Variants in CLIP2 observed in about 807,000 individuals in gnomAD.
The protein encoded by CLIP2 is CAP-Gly domain containing linker protein 2, also known as CAP-Gly domain-containing linker protein 2.
CLIP2 carries 41 observed loss-of-function variants against 111.7 expected under a neutral mutation model. The observed-to-expected ratio is 0.37, with a 90% CI of 0.29 to 0.48. CLIP2 has a LOEUF of 0.48. Among genes scored for constraint, CLIP2 ranks in the 20% least tolerant of loss-of-function variants. The pLI, the probability that CLIP2 is intolerant of heterozygous loss-of-function variation, is 0.99. For missense variants in CLIP2, 1,160 were observed against 1,422.1 expected (o/e 0.82, Z 2.96); for synonymous variants, 660 against 644.2 (o/e 1.02, Z -0.37).
intron 14 of CLIP2, 137 bp from the exon 15 acceptor site, chr7:74,400,233 G>T: frequency 1.5e-6 from 1 of 678,014 alleles, no homozygotes. Flanking sequence ...ACAGAGGCCT[G>T]AGGGACCTCT....
intron 10 of CLIP2, among the ~76,000 whole-genome samples, chr7:74,378,465 T>C (rs1391969144): frequency 6.6e-6 from 1 of 151,870 alleles, no homozygotes; most frequent in African/African-American, 2.4e-5. Flanking sequence ...TAGGGGTGGG[T>C]GTGGTGGCTC....
chr7:74,390,164 AGAAAGAAAGAAAGAAAG>A (rs1437561363), intron 13 of CLIP2, among the ~76,000 whole-genome samples: 43 of 106,682 alleles, frequency 4.0e-4, no homozygotes, highest in African/African-American at 1.5e-3. Flanking sequence ...GAAAGAAAGA[AGAAAGAAAGAAAGAAAG>A]AAAGAAAGAA....
chr7:74,384,441 A>ATTTTT (rs533449196), intron 11 of CLIP2, among the ~76,000 whole-genome samples: 5 of 98,474 alleles, frequency 5.1e-5, no homozygotes, highest in African/African-American at 8.7e-5. Flanking sequence ...AGGTCATATG[A>ATTTTT]TTTTTTTTTT....
chr7:74,376,036 A>G lies in CLIP2; in HGVS notation c.1635A>G (p.Leu545=), dbSNP rs964322131. The change falls in exon 10 of 17, where the codon CTA becomes CTG. Residue 545 remains leucine (L), a synonymous_variant. Coordinates refer to ENST00000223398, the MANE Select transcript of CLIP2 (RefSeq NM_003388.5). The surrounding 1 kb of genome is among the most constrained non-coding windows in gnomAD (Gnocchi z 7.1). ...DHPDAAEILR[L]RERLLSASKE... is the part of the protein sequence containing the mutation. ...CAGACGCCGCCGAGATCCTGCGGCT[A>G]CGGGAGCGGCTGCTCTCGGCCAGCA... The G allele has an allele frequency of 4.3e-6, 7 of 1,612,780 alleles. No homozygotes were observed. The African/African-American group carries it at 6.7e-5, about 15-fold the overall frequency.
At chr7:74,372,530 G>T (rs1790658041) in intron 8 of CLIP2, among the ~76,000 whole-genome samples, 1 of 151,954 alleles carries the variant, frequency 6.6e-6, no homozygotes, top group East Asian at 2.0e-4. Flanking sequence ...AACAGGATGG[G>T]CCCCTCCCCA....
chr7:74,323,816 GT>G (rs1789034956), intron 2 of CLIP2, among the ~76,000 whole-genome samples: 1 of 152,140 alleles, frequency 6.6e-6, no homozygotes, highest in Admixed American at 6.6e-5. Flanking sequence ...TGCTAAATAG[GT>G]TTGTAGCCTA....
intron 2 of CLIP2, among the ~76,000 whole-genome samples, chr7:74,327,134 G>A (rs782752254): frequency 4.0e-5 from 6 of 151,692 alleles, no homozygotes; most frequent in Admixed American, 1.3e-4. Flanking sequence ...AGAGAGTCTC[G>A]CTCTGTTGCT....
chr7:74,371,916 A>G, intron 8 of CLIP2, among the ~76,000 whole-genome samples: 1 of 152,184 alleles, frequency 6.6e-6, no homozygotes, highest in Admixed American at 6.5e-5. Context: ...ACCTTCACCA[A>G]TAGACAAGCT....
chr7:74,313,386 C>T (rs1554728763), intron 1 of CLIP2, among the ~76,000 whole-genome samples: 1 of 151,748 alleles, frequency 6.6e-6, no homozygotes. Flanking sequence ...GGTGAAACCC[C>T]GTCTCTACTA....
chr7:74,324,308 A>G (rs566888580), intron 2 of CLIP2, among the ~76,000 whole-genome samples: 1 of 152,294 alleles, frequency 6.6e-6, no homozygotes, highest in Admixed American at 6.5e-5. Context: ...TGTTTTAAAC[A>G]GCTAGATTGT....
intron 14 of CLIP2, among the ~76,000 whole-genome samples, chr7:74,400,149 C>CA (rs781818573): frequency 0.018 from 968 of 55,210 alleles, 17 homozygotes; most frequent in Middle Eastern, 0.054. Context: ...GACTCTGTCT[C>CA]AAAAAAAAAA....
intron 2 of CLIP2, among the ~76,000 whole-genome samples, chr7:74,330,934 A>G (rs923725662): frequency 4.0e-5 from 6 of 151,718 alleles, no homozygotes; most frequent in South Asian, 4.2e-4. Context: ...GCTGGGCACT[A>G]TGGCTCACAC....
intron 7 of CLIP2, among the ~76,000 whole-genome samples, chr7:74,361,492 C>T (rs962906065): frequency 6.6e-6 from 1 of 151,928 alleles, no homozygotes; most frequent in Non-Finnish European, 1.5e-5. Flanking sequence ...GCTGGGATTA[C>T]AGGCGTGAGC....
intron 1 of CLIP2, among the ~76,000 whole-genome samples, chr7:74,293,511 C>G (rs983056506): frequency 1.3e-5 from 2 of 152,100 alleles, no homozygotes; most frequent in African/African-American, 4.8e-5. Flanking sequence ...ATTGGTCCAG[C>G]CTGGATGAGG....
In CLIP2 at chr7:74,295,151, A is replaced by G. The variant is rs1788133551; in HGVS notation, c.-68+5417A>G. ...CTAATTTTTATATTTTTTTGTAGAC[A>G]GGGTTTCACCGTGTTGCCCAGGGTG... On this transcript the variant is annotated intron_variant, in intron 1 of 16. Transcript: ENST00000223398. Among the ~76,000 whole-genome samples the G allele has an allele frequency of 2.6e-5, 4 of 152,216 alleles. No homozygotes were observed. The South Asian group carries it at 8.3e-4, about 32-fold the overall frequency.
intron 3 of CLIP2, among the ~76,000 whole-genome samples, chr7:74,344,741 G>A (rs1435355919): frequency 4.6e-5 from 7 of 152,068 alleles, no homozygotes; most frequent in African/African-American, 1.7e-4. Flanking sequence ...AAGGACATTC[G>A]AGGTTGGAAT....
In CLIP2 at chr7:74,340,131, C is replaced by T. The variant is rs576984184; in HGVS notation, c.678+1127C>T. Among the ~76,000 whole-genome samples the T allele has an allele frequency of 4.6e-5, 7 of 151,864 alleles. No individual in the cohort carries two copies. The East Asian group carries it at 1.4e-3, about 29-fold the overall frequency. On this transcript the variant is annotated intron_variant, in intron 3 of 16. Coordinates refer to ENST00000223398, the MANE Select transcript of CLIP2 (RefSeq NM_003388.5). ...AATAATAAGGCCAAGCACGGTGGCT[C>T]ACACCTGTAATCCCAGCACTTTGGG...
rs1790794221 is a variant in CLIP2, at chr7:74,376,532, G to A, written c.2131G>A (p.Ala711Thr). 1.9e-6 allele frequency: 3 copies of A among 1,603,450 alleles called. No individual in the cohort carries two copies. Among genetic ancestry groups the A allele is most frequent in the Non-Finnish European group, 1.7e-6 (2 of 1,176,276 alleles). Residue 711 changes from alanine (A) to threonine (T), a missense_variant, in exon 10 of 17, where the codon GCC becomes ACC. This residue lies in a region of CLIP2 where 676 missense variants were observed against 777.8 expected (regional missense o/e 0.87). Transcript: ENST00000223398. The surrounding 1 kb of genome is among the most constrained non-coding windows in gnomAD (Gnocchi z 7.1). ...CTGGCGGGCCCAGCTGGAGGTGCAAGCCAGCCAGCACCGGCTGGAGCTGCA... is the reference window on the plus strand; with the variant it reads ...CTGGCGGGCCCAGCTGGAGGTGCAAACCAGCCAGCACCGGCTGGAGCTGCA... The part of the protein sequence containing the change: ...RHWRAQLEVQ[A>T]SQHRLELQEA...
intron 3 of CLIP2, among the ~76,000 whole-genome samples, chr7:74,343,120 G>A (rs1237854227): frequency 1.3e-5 from 2 of 151,694 alleles, no homozygotes; most frequent in Admixed American, 6.6e-5. Context: ...CTCAGGAGGC[G>A]GAGGTTGCAG....
Sources: allele counts gnomAD v4.1 joint callset (sites outside exome capture counted in the v4.1 genomes callset), GRCh38; gene constraint gnomAD v4.1.1; regional missense constraint gnomAD v4.1.1; non-coding constraint Gnocchi (gnomAD v3.1); transcripts MANE v1.5; gene names NCBI Gene and HGNC (gene_info 2026-07-23, HGNC 2026-07-21).